Variants in POU2F3 observed in about 807,000 individuals in gnomAD.
POU2F3 encodes POU class 2 homeobox 3.
POU2F3 carries 23 observed loss-of-function variants against 59.2 expected under a neutral mutation model. That is an observed-to-expected ratio of 0.39 (90% CI 0.28 to 0.55). The LOEUF (loss-of-function observed/expected upper bound fraction) is 0.55. Among genes scored for constraint, POU2F3 ranks in the 20% least tolerant of loss-of-function variants. The pLI, the probability that POU2F3 is intolerant of heterozygous loss-of-function variation, is 0.66. For synonymous variants in POU2F3, 190 were observed against 214.6 expected, an observed-to-expected ratio of 0.89 and a Z score of 1.00; for missense variants, 473 against 544.5, an observed-to-expected ratio of 0.87 and a Z score of 1.31.
At chr11:120,299,888 C>T (rs1385096899) in intron 5 of POU2F3, among the ~76,000 whole-genome samples, 162 bp downstream of exon 5, 1 of 152,194 alleles carries the variant, frequency 6.6e-6, no homozygotes, top group Non-Finnish European at 1.5e-5. Context: ...AGGAAGGGAC[C>T]CTGGCAATGC....
chr11:120,300,567 C>T (rs1412668562), intron 5 of POU2F3, among the ~76,000 whole-genome samples: 1 of 152,094 alleles, frequency 6.6e-6, no homozygotes, highest in Non-Finnish European at 1.5e-5. Context: ...AGTTCGAGAC[C>T]AGCCTGGCCA....
At chr11:120,238,416 C>G (rs1343458598), upstream of POU2F3, among the ~76,000 whole-genome samples, 4 of 152,026 alleles carry the variant, frequency 2.6e-5, no homozygotes, top group Non-Finnish European at 1.5e-5. Flanking sequence ...CTTTCTGATA[C>G]CTGTTGTGTG....
At chr11:120,257,958 A>C (rs1939417203) in intron 2 of POU2F3, among the ~76,000 whole-genome samples, 1 of 152,176 alleles carries the variant, frequency 6.6e-6, no homozygotes, top group South Asian at 2.1e-4. Context: ...AAGTTACATA[A>C]GCTCTTCCAG....
chr11:120,287,356 T>G (rs1311834656), intron 3 of POU2F3, among the ~76,000 whole-genome samples: 1 of 152,212 alleles, frequency 6.6e-6, no homozygotes, highest in Non-Finnish European at 1.5e-5. Context: ...ACTTACTAAG[T>G]GATGGACATT....
At chr11:120,241,656 C>G (rs376888670) in intron 1 of POU2F3, among the ~76,000 whole-genome samples, 1 of 152,254 alleles carries the variant, frequency 6.6e-6, no homozygotes, top group East Asian at 1.9e-4. Flanking sequence ...CTTCACTGCC[C>G]GCAGAGAAGG....
chr11:120,262,277 C>T (rs999462542), intron 2 of POU2F3, among the ~76,000 whole-genome samples: 1 of 152,202 alleles, frequency 6.6e-6, no homozygotes, highest in African/African-American at 2.4e-5. Flanking sequence ...ATGAACATTT[C>T]GCCATATTTG....
intron 2 of POU2F3, chr11:120,265,720 T>C (rs1939803564): frequency 6.6e-6 from 1 of 152,256 alleles, no homozygotes; most frequent in African/African-American, 2.4e-5. Context: ...GAAGACACTT[T>C]TTAATTGTCC....
Position 120,285,826 on chromosome 11 carries a change from T to C in POU2F3, c.133-12439T>C, listed in dbSNP as rs1230356929. On this transcript the variant is annotated intron_variant, in intron 3 of 12. Coordinates refer to ENST00000543440, the MANE Select transcript of POU2F3 (RefSeq NM_014352.4). This position sits in a 1 kb window ranked among gnomAD's most constrained non-coding sequence, Gnocchi z 4.3. ...ATGTTTATAGGTTGTTTCATGGCAG[T>C]ACATAGAGAGTTATATGATTTTTGT... is the stretch of plus-strand genomic sequence containing the variant. Among the ~76,000 whole-genome samples, 1 of 152,240 alleles carries C rather than the reference T, an allele frequency of 6.6e-6. No homozygotes were observed. Among genetic ancestry groups the C allele is most frequent in the African/African-American group, 2.4e-5 (1 of 41,472 alleles).
chr11:120,289,096 T>G (rs1434424898), intron 3 of POU2F3, among the ~76,000 whole-genome samples: 1 of 152,172 alleles, frequency 6.6e-6, no homozygotes, highest in Non-Finnish European at 1.5e-5. Context: ...AATATATGGC[T>G]TAGAAAGTGG....
At position 120,240,369 on chromosome 11, in the gene POU2F3, C is replaced by T. The variant is rs1238270936; in HGVS notation, c.26C>T (p.Thr9Ile). 1 of 1,431,104 alleles carries T rather than the reference C, an allele frequency of 7.0e-7. No homozygotes were observed. Among genetic ancestry groups the T allele is most frequent in the Non-Finnish European group, 9.2e-7 (1 of 1,082,104 alleles). The allele number at this position is 1,431,104 out of a possible 1,614,324, so 88.7% of individuals were successfully genotyped here. The change falls in exon 1 of 13, where the codon ACA becomes ATA. Residue 9 changes from threonine (T) to isoleucine (I), a missense_variant and splice_region_variant. Coordinates refer to ENST00000543440, the MANE Select transcript of POU2F3 (RefSeq NM_014352.4). ...ATGGTGAATCTGGAGTCCATGCACACAGGTGAGGGGCGGAGGGAATGAGCT... is the reference window on the plus strand; with the variant it reads ...ATGGTGAATCTGGAGTCCATGCACATAGGTGAGGGGCGGAGGGAATGAGCT... The part of the protein sequence containing the change: MVNLESMH[T>I]DIKMSGDVAD...
upstream of POU2F3, among the ~76,000 whole-genome samples, chr11:120,239,667 C>T (rs1938584705): frequency 6.6e-6 from 1 of 152,212 alleles, no homozygotes; most frequent in Admixed American, 6.5e-5. Flanking sequence ...CCGATTAGCA[C>T]CTGTCCTGTT....
At chr11:120,299,260 G>T (rs1186018027) in intron 4 of POU2F3, among the ~76,000 whole-genome samples, 1 of 152,176 alleles carries the variant, frequency 6.6e-6, no homozygotes, top group Non-Finnish European at 1.5e-5. Context: ...GGATAGTTGG[G>T]GATTGCATGT....
chr11:120,306,641 CAG>C (rs1466517886), intron 8 of POU2F3, among the ~76,000 whole-genome samples: 2 of 152,086 alleles, frequency 1.3e-5, no homozygotes, highest in Admixed American at 6.5e-5. Flanking sequence ...CCGGCCTAGG[CAG>C]AGAGAGGGAG....
rs1940456234 is a variant in POU2F3 at position 120,279,167 on chromosome 11, C to T, written c.132+9923C>T. ...TGTATTTAAAGACAGGCTTGCCAGA[C>T]TCCCGACTCTGTGGTTCTCCCCCCA... On this transcript the variant is annotated intron_variant, in intron 3 of 12. Transcript: ENST00000543440. Among the ~76,000 whole-genome samples the T allele has an allele frequency of 4.6e-5, 7 of 151,866 alleles. No homozygotes were observed. The South Asian group carries it at 1.0e-3, about 23-fold the overall frequency.
intron 2 of POU2F3, among the ~76,000 whole-genome samples, chr11:120,266,165 G>A (rs1025429223): frequency 6.6e-6 from 1 of 152,072 alleles, no homozygotes; most frequent in Non-Finnish European, 1.5e-5. Flanking sequence ...TCACCCCATC[G>A]TAGTGAGTGG....
Position 120,285,436 on chromosome 11 carries a change from T to C in POU2F3, c.133-12829T>C, listed in dbSNP as rs531788754. On this transcript the variant is annotated intron_variant, in intron 3 of 12. Transcript: ENST00000543440. This position sits in a 1 kb window ranked among gnomAD's most constrained non-coding sequence, Gnocchi z 4.3. Reference sequence around the variant, plus strand: ...CAATCACATGGCAGCCCTTCAATATTTGAGAAGAGTCATCACCCTGAAATC... The same window carrying C: ...CAATCACATGGCAGCCCTTCAATATCTGAGAAGAGTCATCACCCTGAAATC... 6.6e-5 allele frequency among the ~76,000 whole-genome samples: 10 copies of C among 152,318 alleles called. No individual in the cohort carries two copies. Among genetic ancestry groups the C allele is most frequent in the South Asian group, 2.1e-4 (1 of 4,826 alleles).
upstream of POU2F3, among the ~76,000 whole-genome samples, chr11:120,238,007 G>T (rs555849598): frequency 1.3e-5 from 2 of 152,256 alleles, no homozygotes; most frequent in East Asian, 3.9e-4. Flanking sequence ...TTGGGAGGCC[G>T]AGGCAGGCAG....
chr11:120,250,916 G>A (rs1225945599), intron 2 of POU2F3, among the ~76,000 whole-genome samples: 1 of 151,978 alleles, frequency 6.6e-6, no homozygotes, highest in Non-Finnish European at 1.5e-5. Context: ...GGCAGAGGTT[G>A]CAGTGAGCCG....
At chr11:120,275,021 C>T (rs1396531032) in intron 3 of POU2F3, among the ~76,000 whole-genome samples, 1 of 152,192 alleles carries the variant, frequency 6.6e-6, no homozygotes, top group African/African-American at 2.4e-5. Flanking sequence ...TAGCCTCTGC[C>T]TGGTGTCTGT....
Sources: gnomAD v4.1 joint callset for allele counts (sites outside exome capture counted in the v4.1 genomes callset) on GRCh38, gnomAD v4.1.1 for gene constraint, Gnocchi (gnomAD v3.1) non-coding constraint, MANE v1.5 for transcripts, NCBI Gene and HGNC (gene_info 2026-07-23, HGNC 2026-07-21) for gene names.